The following ERMP1 variants were observed in gnomAD, a reference collection of about 807,000 sequenced individuals.
ERMP1 encodes the protein Felix-ina.
ERMP1 carries 86 observed loss-of-function variants against 92.0 expected under a neutral mutation model. The ratio of observed to expected loss-of-function variants is 0.93; its 90% confidence interval spans 0.79 to 1.12. The LOEUF is 1.12. Among genes scored for constraint, ERMP1 ranks in the 50% most tolerant of loss-of-function variants. The pLI is 0.00. For synonymous variants in ERMP1, 530 were observed against 412.8 expected, an observed-to-expected ratio of 1.28 and a Z score of -3.44; for missense variants, 1,342 against 1,116.3, an observed-to-expected ratio of 1.20 and a Z score of -2.88.
At chr9:5,815,621 G>A (rs1441898922) in intron 4 of ERMP1, among the ~76,000 whole-genome samples, 1 of 152,014 alleles carries the variant, frequency 6.6e-6, no homozygotes, top group Non-Finnish European at 1.5e-5. Flanking sequence ...TAATAAAAAT[G>A]CTTGGGGACA....
chr9:5,851,545 G>C (rs905279116), intron 6 of ERMP1, among the ~76,000 whole-genome samples: 23 of 152,178 alleles, frequency 1.5e-4, no homozygotes, highest in African/African-American at 5.5e-4. Context: ...GATCATATCA[G>C]CCTTACACAG....
At chr9:5,858,075 C>T (rs1172992248) in intron 6 of ERMP1, among the ~76,000 whole-genome samples, 1 of 152,236 alleles carries the variant, frequency 6.6e-6, no homozygotes, top group African/African-American at 2.4e-5. Flanking sequence ...GGTTGAAAGA[C>T]CTCATTGAAG....
intron 5 of ERMP1, among the ~76,000 whole-genome samples, chr9:5,866,265 G>A (rs768923925): frequency 4.6e-5 from 7 of 152,084 alleles, no homozygotes; most frequent in Non-Finnish European, 1.0e-4. Flanking sequence ...TTTCTAGATC[G>A]AACAGGATAT....
In ERMP1 at chr9:5,810,031, C is replaced by A; in HGVS notation, c.1528G>T (p.Ala510Ser). ...CTTACCATGTAATAAAATCTTTTCG[C>A]AAGAGTATGTATAAGTATTATTTTG... ...VAKIILIHTL[A>S]KRFYYMNASA... Residue 510 changes from alanine to serine, a missense_variant, in exon 8 of 15, where the codon GCG (alanine) becomes TCG (serine). Transcript: ENST00000339450. 6.2e-7 allele frequency: 1 copy of A among 1,610,120 alleles called. No homozygotes were observed. Among genetic ancestry groups the A allele is most frequent in the Non-Finnish European group, 8.5e-7 (1 of 1,176,728 alleles).
At chr9:5,842,132 G>A (rs1000769617) in intron 6 of ERMP1, among the ~76,000 whole-genome samples, 3 of 152,186 alleles carry the variant, frequency 2.0e-5, no homozygotes, top group East Asian at 1.9e-4. Context: ...CCTCCACACA[G>A]TGCAAGGGGA....
chr9:5,789,546 C>T (rs866554826), intron 13 of ERMP1, among the ~76,000 whole-genome samples: 2 of 152,186 alleles, frequency 1.3e-5, no homozygotes, highest in African/African-American at 2.4e-5. Context: ...CAAACTTCAG[C>T]AAAAGAACTT....
At chr9:5,793,269 G>C (rs1277862892) in intron 13 of ERMP1, among the ~76,000 whole-genome samples, 1 of 149,816 alleles carries the variant, frequency 6.7e-6, no homozygotes, top group Non-Finnish European at 1.5e-5. Context: ...CATTAAAAAA[G>C]GTTAAAAAAA....
chr9:5,843,794 C>T (rs375296670), intron 6 of ERMP1, among the ~76,000 whole-genome samples: 19 of 152,334 alleles, frequency 1.2e-4, no homozygotes, highest in East Asian at 9.6e-4. Flanking sequence ...TCCCCTACCA[C>T]GGACAGTGTT....
At chr9:5,860,416 C>A (rs546921322) in intron 5 of ERMP1, among the ~76,000 whole-genome samples, 3 of 152,240 alleles carry the variant, frequency 2.0e-5, no homozygotes, top group Admixed American at 2.0e-4. Context: ...TTCCATTCAT[C>A]TTTATGTCTC....
chr9:5,793,086 G>A (rs928470230), intron 13 of ERMP1, among the ~76,000 whole-genome samples: 3 of 152,104 alleles, frequency 2.0e-5, no homozygotes, highest in African/African-American at 7.2e-5. Context: ...CTGCATATGT[G>A]CACACACGCT....
chr9:5,861,671 C>T (rs148118111), intron 5 of ERMP1, among the ~76,000 whole-genome samples: 1 of 149,066 alleles, frequency 6.7e-6, no homozygotes, highest in African/African-American at 2.5e-5. Flanking sequence ...ACTCTCTTCC[C>T]AGTGCAGGCA....
At chr9:5,853,952 G>A (rs1184044933) in intron 6 of ERMP1, among the ~76,000 whole-genome samples, 1 of 151,744 alleles carries the variant, frequency 6.6e-6, no homozygotes, top group Non-Finnish European at 1.5e-5. Context: ...AGAGGAAAAG[G>A]CATTCATTTT....
rs775080353 is a variant in ERMP1, at chr9:5,830,965, A to T, written c.402T>A (p.Ile134=). 47 of 1,614,154 alleles carry T rather than the reference A, an allele frequency of 2.9e-5. No individual in the cohort carries two copies. In the South Asian group the frequency reaches 5.1e-4, roughly 17 times the overall value. ...GTTCCAAAAGGTAGTGCACGGTCAG[A>T]ATTTCATTTTCTGGACTTCCTGTAG... ...PRTTGSPENE[I]LTVHYLLEQI... The change falls in exon 2 of 15, where the codon ATT becomes ATA. Residue 134 remains isoleucine (I), a synonymous_variant. Coordinates refer to ENST00000339450, the MANE Select transcript of ERMP1 (RefSeq NM_024896.3).
intron 4 of ERMP1, 107 bp from the exon 5 acceptor site, chr9:5,813,142 C>G (rs529707960): frequency 1.1e-5 from 12 of 1,127,382 alleles, no homozygotes; most frequent in Non-Finnish European, 1.4e-5. Flanking sequence ...TTTTGGGAGA[C>G]GGGTCCAATA....
rs889264438 is a variant in ERMP1 at position 5,833,020 on chromosome 9, C to A, written c.8G>T (p.Trp3Leu). The change falls in exon 1 of 15, where the codon TGG becomes TTG. Residue 3 changes from tryptophan (W) to leucine (L), a missense_variant. By Grantham distance (61) the Trp-to-Leu change is moderately conservative. Transcript: ENST00000339450. ...CCTCACAGCAGCCGACTCAGAACCC[C>A]ACTCCATGGCCACGAGCCTCAGCTG... Reference protein sequence around the residue: MEWGSESAAVRRH... With the variant: MELGSESAAVRRH... 2.0e-6 allele frequency: 3 copies of A among 1,533,926 alleles called. No homozygotes were observed. The highest frequency in any genetic ancestry group is 2.6e-6 in the Non-Finnish European group (3 of 1,150,868).
intron 8 of ERMP1, among the ~76,000 whole-genome samples, chr9:5,809,615 C>T (rs1829012874): frequency 6.6e-6 from 1 of 152,196 alleles, no homozygotes; most frequent in African/African-American, 2.4e-5. Flanking sequence ...TACCTAAGCA[C>T]AGAGGATACA....
chr9:5,805,582 C>A, intron 9 of ERMP1, 29 bp downstream of exon 9: 2 of 1,530,774 alleles, frequency 1.3e-6, no homozygotes, highest in South Asian at 2.6e-5. Context: ...GGTATTCTCC[C>A]ATGTATATCA....
intron 6 of ERMP1, among the ~76,000 whole-genome samples, chr9:5,850,150 G>A (rs1402939792): frequency 1.3e-5 from 2 of 152,062 alleles, no homozygotes; most frequent in African/African-American, 4.8e-5. Context: ...GTGACTCTGT[G>A]GATCATCGGC....
intron 6 of ERMP1, among the ~76,000 whole-genome samples, chr9:5,857,113 C>G (rs1830384223): frequency 6.6e-6 from 1 of 152,122 alleles, no homozygotes; most frequent in African/African-American, 2.4e-5. Flanking sequence ...CTTGATTTCC[C>G]TGGGCTCAAG....
Sources: gnomAD v4.1 joint callset for allele counts (sites outside exome capture counted in the v4.1 genomes callset) on GRCh38, gnomAD v4.1.1 for gene constraint, MANE v1.5 for transcripts, NCBI Gene and HGNC (gene_info 2026-07-23, HGNC 2026-07-21) for gene names.